DPP7: variants seen among roughly 807,000 people sequenced by gnomAD.
DPP7 encodes dipeptidyl peptidase 7.
Under a neutral mutation model 58.8 loss-of-function variants are expected in DPP7, and 74 were observed. That is an observed-to-expected ratio of 1.26 (90% CI 1.04 to 1.53). The LOEUF (loss-of-function observed/expected upper bound fraction) is 1.53, where lower values mean the gene tolerates loss of function less well. Among genes scored for constraint, DPP7 ranks in the 40% most tolerant of loss-of-function variants. DPP7 has a pLI of 0.00. For missense variants in DPP7, 807 were observed against 692.3 expected (o/e 1.17, Z -1.86); for synonymous variants, 350 against 303.6 (o/e 1.15, Z -1.59).
rs756165436 is a variant in DPP7, at chr9:137,111,947, C to T, written c.1133G>A (p.Arg378His). The T allele has an allele frequency of 2.4e-5, 38 of 1,609,812 alleles. No individual in the cohort carries two copies. Among genetic ancestry groups the T allele is most frequent in the Middle Eastern group, 1.6e-4 (1 of 6,066 alleles). Residue 378 changes from arginine (R) to histidine (H), a missense_variant, in exon 10 of 13, where the codon CGC (arginine) becomes CAC (histidine). Coordinates refer to ENST00000371579, the MANE Select transcript of DPP7 (RefSeq NM_013379.3). Reference sequence around the variant, plus strand: ...CCAGGTGTCCAGGCAGTACCGCTGGCGGAGCTCGTCAGTGAAGGGCAGGTC... The same window carrying T: ...CCAGGTGTCCAGGCAGTACCGCTGGTGGAGCTCGTCAGTGAAGGGCAGGTC... The part of the protein sequence containing the change: ...FPDLPFTDEL[R>H]QRYCLDTWGV...
Position 137,113,105 on chromosome 9 carries a change from G to C in DPP7, c.718C>G (p.Arg240Gly). 22 of 1,613,614 alleles carry C rather than the reference G, an allele frequency of 1.4e-5. No homozygotes were observed. Among genetic ancestry groups the C allele is most frequent in the African/African-American group, 8.0e-5 (6 of 75,054 alleles). ...GGCTGGCAGGTGCCGAACTCCCAGC[G>C]GACCGTGTCGTAGGCTGCGTGGAAG... ...LFLQGAYDTV[R>G]WEFGTCQPLS... Residue 240 changes from arginine (R) to glycine (G), a missense_variant, in exon 7 of 13, where the codon CGC becomes GGC. Physicochemically the swap from Arg to Gly is moderately radical, Grantham distance 125 (BLOSUM62 -2). Coordinates refer to ENST00000371579, the MANE Select transcript of DPP7 (RefSeq NM_013379.3).
At chr9:137,115,010 C>T (rs563239280), upstream of DPP7, 183 of 276,952 alleles carry the variant, frequency 6.6e-4, 1 homozygote, top group Non-Finnish European at 1.0e-3. Flanking sequence ...GGGCGAGTCC[C>T]TGCTGCGCCC....
At chr9:137,115,513 C>T (rs1445569867), upstream of DPP7, among the ~76,000 whole-genome samples, 1 of 152,186 alleles carries the variant, frequency 6.6e-6, no homozygotes, top group Non-Finnish European at 1.5e-5. Flanking sequence ...TGTACATGGG[C>T]CGCTAGCCAG....
At position 137,114,629 on chromosome 9, in the gene DPP7, G is replaced by A; in HGVS notation, c.67+18C>T. ...GGGGCCGGGACCGGGGAATGGGCCG[G>A]GGGGCGCCGCCACTCACCCCCCGCC... On this transcript the variant is annotated intron_variant, in intron 1 of 12. Coordinates refer to ENST00000371579, the MANE Select transcript of DPP7 (RefSeq NM_013379.3). 2 of 1,401,750 alleles carry A rather than the reference G, an allele frequency of 1.4e-6. No homozygotes were observed. Among genetic ancestry groups the A allele is most frequent in the Admixed American group, 3.5e-5 (1 of 28,884 alleles). 86.8% of individuals were successfully genotyped at this position (1,401,750 alleles called of 1,614,324 possible).
At chr9:137,113,834 AG>A in intron 4 of DPP7, 30 bp downstream of exon 4, 3 of 519,858 alleles carry the variant, frequency 5.8e-6, no homozygotes, top group African/African-American at 7.0e-5. Context: ...CAGGGGAGGG[AG>A]GGGGTGCGGA....
intron 6 of DPP7, 31 bp from the exon 7 acceptor site, chr9:137,113,150 G>C (rs370632834): frequency 2.6e-5 from 42 of 1,613,664 alleles, no homozygotes; most frequent in South Asian, 3.3e-5. Context: ...CTTGAAGTTT[G>C]GGCATAGCTG....
In DPP7 at chr9:137,112,970, G is replaced by A. The variant is rs769009949; in HGVS notation, c.853C>T (p.Pro285Ser). ...PYPTDFLGPL[P>S]ANPVKVGCDR... ...CGCCTCACCTTGACGGGGTTGGCAG[G>A]GAGGGGACCCAGGAAGTCAGTGGGG... Residue 285 changes from proline (P) to serine (S), a missense_variant, in exon 7 of 13, where the codon CCT becomes TCT. Physicochemically the swap from Pro to Ser is moderately conservative, Grantham distance 74. This residue lies in a region of DPP7 where 624 missense variants were observed against 531.2 expected (regional missense o/e 1.17). Transcript: ENST00000371579. 1 of 1,613,470 alleles carries A rather than the reference G, an allele frequency of 6.2e-7. No homozygotes were observed. Among genetic ancestry groups the A allele is most frequent in the South Asian group, 1.1e-5 (1 of 91,086 alleles).
rs1381745066 is a variant in DPP7 at position 137,114,279 on chromosome 9, C to T, written c.285G>A (p.Ala95=). 1 of 1,602,826 alleles carries T rather than the reference C, an allele frequency of 6.2e-7. No individual in the cohort carries two copies. The highest frequency in any genetic ancestry group is 1.4e-5 in the African/African-American group (1 of 73,774). Reference sequence around the variant, plus strand: ...AGACCAGTAGAGCCCCCCGCTCGGCCGCCAGCTCCGCGACGAAGGCCGAGT... The same window carrying T: ...AGACCAGTAGAGCCCCCCGCTCGGCTGCCAGCTCCGCGACGAAGGCCGAGT... ...ANNSAFVAEL[A]AERGALLVFA... The change falls in exon 3 of 13, where the codon GCG becomes GCA. Residue 95 remains alanine, a synonymous_variant. Coordinates refer to ENST00000371579, the MANE Select transcript of DPP7 (RefSeq NM_013379.3).
upstream of DPP7, among the ~76,000 whole-genome samples, chr9:137,117,976 T>A (rs572700622): frequency 2.6e-5 from 4 of 151,478 alleles, no homozygotes; most frequent in East Asian, 7.7e-4. Flanking sequence ...ATCAGTGGAA[T>A]CCTACAGCAT....
intron 2 of DPP7, 28 bp downstream of exon 2, chr9:137,114,435 G>A (rs774080547): frequency 6.4e-7 from 1 of 1,559,904 alleles, no homozygotes; most frequent in Non-Finnish European, 8.7e-7. Context: ...GGACGGCGGG[G>A]GCGGCCGGGC....
upstream of DPP7, among the ~76,000 whole-genome samples, chr9:137,116,175 T>G (rs1344108679): frequency 2.5e-5 from 3 of 121,398 alleles, no homozygotes; most frequent in Admixed American, 2.5e-4. Flanking sequence ...TTCCCTCTTG[T>G]CCACGGCCCA....
Position 137,110,948 on chromosome 9 carries a change from A to T in DPP7, c.1275T>A (p.Ile425=), listed in dbSNP as rs753788576. The change falls in exon 12 of 13, where the codon ATT becomes ATA. Residue 425 remains isoleucine, a splice_region_variant and synonymous_variant. Coordinates refer to ENST00000371579, the MANE Select transcript of DPP7 (RefSeq NM_013379.3). ...GNLDPWAGGG[I]RRNLSASVIA... is the part of the protein sequence containing the mutation. The stretch of plus-strand genomic sequence containing the variant: ...TGACTGAGGCACTCAGGTTCCTCCG[A>T]ATCTGTGGTCAGTGGAAAGAACTCC... The T allele has an allele frequency of 3.7e-6, 6 of 1,612,852 alleles. No individual in the cohort carries two copies. In the East Asian group the frequency reaches 8.9e-5, roughly 24 times the overall value.
chr9:137,115,504 G>A (rs1029632996), upstream of DPP7, among the ~76,000 whole-genome samples: 3 of 152,182 alleles, frequency 2.0e-5, no homozygotes, highest in African/African-American at 7.2e-5. Context: ...TGCTGGGGAT[G>A]TACATGGGCC....
chr9:137,114,717 G>A lies in DPP7; in HGVS notation c.-4C>T, dbSNP rs1228475304. ...GGGCCCAGGGAGCGGAGCCCATGTCGCCTTCCGCGGGCGCCCGTCACGTGG... is the reference window on the plus strand; with the variant it reads ...GGGCCCAGGGAGCGGAGCCCATGTCACCTTCCGCGGGCGCCCGTCACGTGG... On this transcript the variant is annotated 5_prime_UTR_variant, in exon 1 of 13. Transcript: ENST00000371579. The A allele has an allele frequency of 3.1e-6, 4 of 1,280,444 alleles. No homozygotes were observed. Among genetic ancestry groups the A allele is most frequent in the Middle Eastern group, 3.0e-4 (1 of 3,338 alleles). The allele number at this position is 1,280,444 out of a possible 1,614,324, so 79.3% of individuals were successfully genotyped here. A position where few individuals can be genotyped will look rare whatever the true frequency, so the allele number is the denominator to read the frequency against.
intron 3 of DPP7, 38 bp from the exon 4 acceptor site, chr9:137,114,066 C>G (rs754605434): frequency 3.2e-6 from 4 of 1,253,092 alleles, no homozygotes; most frequent in Non-Finnish European, 4.0e-6. Context: ...CCCGCGACCC[C>G]GCCCGGCACC....
Position 137,112,796 on chromosome 9 carries a change from C to G in DPP7, c.880G>C (p.Asp294His). The G allele has an allele frequency of 6.2e-7, 1 of 1,609,782 alleles. No homozygotes were observed. The highest frequency in any genetic ancestry group is 8.5e-7 in the Non-Finnish European group (1 of 1,179,464). Residue 294 changes from aspartate to histidine, a missense_variant, in exon 8 of 13, where the codon GAT becomes CAT. Coordinates refer to ENST00000371579, the MANE Select transcript of DPP7 (RefSeq NM_013379.3). ...CTCTGGGCCTCACTCAGCAGCCGAT[C>G]ACAGCCCACCTGGAGTGCAGGGGCA... ...LPANPVKVGC[D>H]RLLSEAQRIT...
At chr9:137,116,281 G>A (rs780758645), upstream of DPP7, among the ~76,000 whole-genome samples, 1 of 152,234 alleles carries the variant, frequency 6.6e-6, no homozygotes, top group East Asian at 1.9e-4. Flanking sequence ...GGTGAGGGTG[G>A]CCACAGTCCC....
At chr9:137,111,577 G>A in intron 11 of DPP7, 113 bp downstream of exon 11, 2 of 1,185,170 alleles carry the variant, frequency 1.7e-6, no homozygotes, top group South Asian at 1.4e-5. Context: ...GGTCAAGGCT[G>A]CAGTGAACCC....
At position 137,113,278 on chromosome 9, in the gene DPP7, C is replaced by G; in HGVS notation, c.631G>C (p.Gly211Arg). 6.2e-7 allele frequency: 1 copy of G among 1,613,738 alleles called. No homozygotes were observed. Among genetic ancestry groups the G allele is most frequent in the Non-Finnish European group, 8.5e-7 (1 of 1,179,982 alleles). ...CCCTGGGTGCATTTGGGACTCTGGC[C>G]CTCAAAGTCCTGGGGGAAAGAGACC... ...FFRDVTADFE[G>R]QSPKCTQGVR... Residue 211 changes from glycine to arginine, a missense_variant, in exon 6 of 13, where the codon GGC becomes CGC. Physicochemically the swap from Gly to Arg is moderately radical, Grantham distance 125. Around this residue, in one of 3 missense-constraint regions of DPP7, gnomAD observed 624 missense variants for 531.2 expected, o/e 1.17. Coordinates refer to ENST00000371579, the MANE Select transcript of DPP7 (RefSeq NM_013379.3).
Sources: gnomAD v4.1 joint callset for allele counts (sites outside exome capture counted in the v4.1 genomes callset) on GRCh38, gnomAD v4.1.1 for gene constraint, gnomAD v4.1.1 regional missense constraint, MANE v1.5 for transcripts, NCBI Gene and HGNC (gene_info 2026-07-23, HGNC 2026-07-21) for gene names.